GDAP2: variants seen among roughly 807,000 people sequenced by gnomAD.
GDAP2 encodes the protein ganglioside induced differentiation associated protein 2.
A neutral mutation model predicts 67.0 loss-of-function variants in GDAP2; 51 were observed. The observed-to-expected ratio is 0.76, with a 90% confidence interval of 0.61 to 0.96. GDAP2 has a LOEUF of 0.96. GDAP2 is among the 40% of genes least tolerant of loss of function. The pLI, the probability that GDAP2 is intolerant of heterozygous loss-of-function variation, is 0.00. For synonymous variants in GDAP2, 203 were observed against 207.3 expected (o/e 0.98, Z 0.18); for missense variants, 547 against 588.3 (o/e 0.93, Z 0.73).
At chr1:117,905,341 C>G (rs1243078525) in intron 6 of GDAP2, among the ~76,000 whole-genome samples, 2 of 152,196 alleles carry the variant, frequency 1.3e-5, no homozygotes, top group Non-Finnish European at 2.9e-5. Flanking sequence ...TCGCCACTCT[C>G]AGCCTCACAT....
chr1:117,927,556 CT>C (rs1368673963), intron 1 of GDAP2, among the ~76,000 whole-genome samples: 1 of 152,114 alleles, frequency 6.6e-6, no homozygotes, highest in Non-Finnish European at 1.5e-5. Context: ...TTCTTTATGA[CT>C]TTGTATTTCA....
At chr1:117,893,042 T>G (rs187515550) in intron 8 of GDAP2, among the ~76,000 whole-genome samples, 8 of 152,270 alleles carry the variant, frequency 5.3e-5, no homozygotes, top group Non-Finnish European at 1.0e-4. Flanking sequence ...GGGTGCTGTA[T>G]CTGTCTTGCT....
chr1:117,902,000 T>G (rs1570982228), intron 6 of GDAP2, among the ~76,000 whole-genome samples: 1 of 152,160 alleles, frequency 6.6e-6, no homozygotes, highest in South Asian at 2.1e-4. Context: ...CTGCCTTGCC[T>G]TTCCCAAGGA....
chr1:117,887,640 C>T, intron 9 of GDAP2, 58 bp downstream of exon 9: 1 of 857,008 alleles, frequency 1.2e-6, no homozygotes, highest in South Asian at 1.3e-5. Flanking sequence ...TCTCAAATAG[C>T]ATGCTTGGTA....
At chr1:117,912,125 G>A (rs761622919) in intron 4 of GDAP2, 43 bp from the exon 5 acceptor site, 7 of 1,072,796 alleles carry the variant, frequency 6.5e-6, no homozygotes, top group South Asian at 1.2e-5. Flanking sequence ...AGAAATATCA[G>A]TAATACATAC....
rs577986359 is a variant in GDAP2, at chr1:117,883,868, A to T, written c.1108-241T>A. On this transcript the variant is annotated intron_variant, in intron 10 of 13. Coordinates refer to ENST00000369443, the MANE Select transcript of GDAP2 (RefSeq NM_017686.4). ...CTACAGTACAATTCCTTTCTGTCTT[A>T]TTCTAAGTGATAGAGGAGAACAATC... Among the ~76,000 whole-genome samples the T allele has an allele frequency of 7.7e-4, 117 of 152,298 alleles. 2 individuals are homozygous for T. Among genetic ancestry groups the T allele is most frequent in the Admixed American group, 7.3e-3 (111 of 15,286 alleles).
Position 117,865,614 on chromosome 1 carries a change from C to T in GDAP2, c.*4955G>A, listed in dbSNP as rs190037886. 3.3e-5 allele frequency: 5 copies of T among 152,168 alleles called. No individual in the cohort carries two copies. The highest frequency in any genetic ancestry group is 1.2e-4 in the African/African-American group (5 of 41,522). The allele number at this position is 152,168 out of a possible 1,614,324, so 9.4% of individuals were successfully genotyped here. A position where few individuals can be genotyped will look rare whatever the true frequency, so the allele number is the denominator to read the frequency against. ...CACATTACAAAAAAAAAAGGTATGA[C>T]TGTGTATATAAAATGTATTAGCTTT... On this transcript the variant is annotated 3_prime_UTR_variant, in exon 14 of 14. Coordinates refer to ENST00000369443, the MANE Select transcript of GDAP2 (RefSeq NM_017686.4).
At chr1:117,893,950 CT>C (rs1410521297) in intron 8 of GDAP2, among the ~76,000 whole-genome samples, 4 of 151,928 alleles carry the variant, frequency 2.6e-5, no homozygotes, top group Admixed American at 6.6e-5. Flanking sequence ...GTGAACATAA[CT>C]TTTTTTAAAA....
chr1:117,872,682 T>C (rs901607111), intron 13 of GDAP2, among the ~76,000 whole-genome samples: 1 of 134,920 alleles, frequency 7.4e-6, no homozygotes, highest in African/African-American at 2.8e-5. Context: ...TACTGGGGCC[T>C]GTTGGGGGAG....
chr1:117,876,341 C>T (rs555662057), intron 13 of GDAP2, among the ~76,000 whole-genome samples: 5 of 152,212 alleles, frequency 3.3e-5, no homozygotes, highest in African/African-American at 4.8e-5. Context: ...CCCCTTCTGC[C>T]GTGAGTGGAA....
rs1404039965 is a variant in GDAP2 at position 117,867,713 on chromosome 1, A to C, written c.*2856T>G. On this transcript the variant is annotated 3_prime_UTR_variant, in exon 14 of 14. Coordinates refer to ENST00000369443, the MANE Select transcript of GDAP2 (RefSeq NM_017686.4). ...TAAGACTGTCTCCAAAAAAAAAAGA[A>C]AAAGAAAAAGGAAATATAAAGCATC... 3 of 152,012 alleles carry C rather than the reference A, an allele frequency of 2.0e-5. No homozygotes were observed. The highest frequency in any genetic ancestry group is 4.4e-5 in the Non-Finnish European group (3 of 68,024). 9.4% of individuals were successfully genotyped at this position (152,012 alleles called of 1,614,324 possible). A position where few individuals can be genotyped will look rare whatever the true frequency, so the allele number is the denominator to read the frequency against.
chr1:117,903,786 C>T (rs192851444), intron 6 of GDAP2, among the ~76,000 whole-genome samples: 37 of 151,842 alleles, frequency 2.4e-4, no homozygotes, highest in African/African-American at 8.7e-4. Context: ...TATTTGCAGT[C>T]CATAATAGTA....
At chr1:117,928,025 A>C (rs1650516417) in intron 1 of GDAP2, among the ~76,000 whole-genome samples, 1 of 152,148 alleles carries the variant, frequency 6.6e-6, no homozygotes, top group Non-Finnish European at 1.5e-5. Flanking sequence ...TATTAAAATC[A>C]TTTTTTTCCA....
At chr1:117,879,598 C>A (rs184724788) in intron 12 of GDAP2, among the ~76,000 whole-genome samples, 2 of 152,120 alleles carry the variant, frequency 1.3e-5, no homozygotes, top group African/African-American at 2.4e-5. Flanking sequence ...CTTTCAATAA[C>A]CCTAAAAGAT....
At chr1:117,906,605 T>G (rs765171836) in intron 5 of GDAP2, 23 bp from the exon 6 acceptor site, 5 of 1,237,682 alleles carry the variant, frequency 4.0e-6, no homozygotes, top group Non-Finnish European at 2.3e-6. Flanking sequence ...ATAGAAAGAT[T>G]ACTCAATAAA....
chr1:117,907,042 A>G (rs1219673332), intron 5 of GDAP2, among the ~76,000 whole-genome samples: 2 of 152,214 alleles, frequency 1.3e-5, no homozygotes, highest in African/African-American at 2.4e-5. Flanking sequence ...CAGTTACAGT[A>G]TTAGATATCC....
chr1:117,883,155 T>G (rs1480302798), intron 11 of GDAP2: 1 of 172,240 alleles, frequency 5.8e-6, no homozygotes, highest in Admixed American at 6.0e-5. Flanking sequence ...ATAATATCTC[T>G]CCTAACCAAC....
At position 117,868,516 on chromosome 1, in the gene GDAP2, A is replaced by G. The variant is rs1321443563; in HGVS notation, c.*2053T>C. Reference sequence around the variant, plus strand: ...TCATTGCCTGTAAGAAATTGTATATATAAATTTGCTTCCTTTCAAATTGGC... The same window carrying G: ...TCATTGCCTGTAAGAAATTGTATATGTAAATTTGCTTCCTTTCAAATTGGC... On this transcript the variant is annotated 3_prime_UTR_variant, in exon 14 of 14. Transcript: ENST00000369443. The G allele has an allele frequency of 1.3e-5, 2 of 152,202 alleles. No individual in the cohort carries two copies. The highest frequency in any genetic ancestry group is 4.8e-5 in the African/African-American group (2 of 41,450). 9.4% of individuals were successfully genotyped at this position (152,202 alleles called of 1,614,324 possible). A position where few individuals can be genotyped will look rare whatever the true frequency, so the allele number is the denominator to read the frequency against.
At chr1:117,911,936 C>T in intron 5 of GDAP2, 58 bp downstream of exon 5, 2 of 1,007,054 alleles carry the variant, frequency 2.0e-6, no homozygotes, top group Non-Finnish European at 3.1e-6. Context: ...CCACCATGCC[C>T]AGAATTTAAA....
Sources: gnomAD v4.1 joint callset for allele counts (sites outside exome capture counted in the v4.1 genomes callset) on GRCh38, gnomAD v4.1.1 for gene constraint, MANE v1.5 for transcripts, NCBI Gene and HGNC (gene_info 2026-07-23, HGNC 2026-07-21) for gene names.